Variants in PAG1 observed in about 807,000 individuals in gnomAD.
The protein encoded by PAG1 is phosphoprotein membrane anchor with glycosphingolipid microdomains 1.
In PAG1, 23 loss-of-function variants were observed where a neutral mutation model predicts 31.7. That is an observed-to-expected ratio of 0.73 (90% CI 0.52 to 1.03). The LOEUF (loss-of-function observed/expected upper bound fraction) is 1.03. Among genes scored for constraint, PAG1 ranks in the 50% least tolerant of loss-of-function variants. The pLI is 0.00. For missense variants in PAG1, 473 were observed against 540.7 expected (o/e 0.87, Z 1.24); for synonymous variants, 214 against 210.3 (o/e 1.02, Z -0.15).
intron 2 of PAG1, among the ~76,000 whole-genome samples, chr8:81,035,913 A>T (rs1320233261): frequency 6.6e-6 from 1 of 151,886 alleles, no homozygotes; most frequent in Admixed American, 6.6e-5. Flanking sequence ...ATATACATGC[A>T]TATATACACA....
At chr8:81,091,672 G>C (rs1027989128) in intron 1 of PAG1, among the ~76,000 whole-genome samples, 1 of 152,086 alleles carries the variant, frequency 6.6e-6, no homozygotes, top group Non-Finnish European at 1.5e-5. Context: ...AAAAATGTTG[G>C]TATGTGGTAC....
chr8:81,002,487 T>C (rs1003765262), intron 3 of PAG1, among the ~76,000 whole-genome samples: 16 of 152,184 alleles, frequency 1.1e-4, no homozygotes, highest in Admixed American at 7.9e-4. Context: ...AGAAGTAGAA[T>C]TTAAGAGCAG....
chr8:80,981,461 C>T (rs75558311), intron 7 of PAG1, among the ~76,000 whole-genome samples: 1 of 152,088 alleles, frequency 6.6e-6, no homozygotes, highest in Non-Finnish European at 1.5e-5. Context: ...CTCTGCTCAA[C>T]TCACAGTCTA....
chr8:80,998,058 A>G (rs1369966291), intron 3 of PAG1, among the ~76,000 whole-genome samples: 1 of 151,538 alleles, frequency 6.6e-6, no homozygotes, highest in Non-Finnish European at 1.5e-5. Context: ...ATATCCACTA[A>G]TTTGTTTTAA....
In PAG1 at chr8:80,987,531, G is replaced by C. The variant is rs556888540; in HGVS notation, c.178-65C>G. The C allele has an allele frequency of 1.4e-5, 16 of 1,122,006 alleles. No individual in the cohort carries two copies. The African/African-American group carries it at 1.5e-4, about 11-fold the overall frequency. The allele number at this position is 1,122,006 out of a possible 1,614,324, so 69.5% of individuals were successfully genotyped here. A position where few individuals can be genotyped will look rare whatever the true frequency, so the allele number is the denominator to read the frequency against. On this transcript the variant is annotated intron_variant, in intron 5 of 8. Transcript: ENST00000220597. ...TGCTAAGAATCTGGACTGCAGAGCA[G>C]AGGAGAAGATCCATGGCTTTTTCAA... is the stretch of plus-strand genomic sequence containing the variant.
chr8:80,994,209 T>C (rs1331338658), intron 3 of PAG1, among the ~76,000 whole-genome samples: 2 of 151,888 alleles, frequency 1.3e-5, no homozygotes, highest in Non-Finnish European at 2.9e-5. Flanking sequence ...TGAAATAGAA[T>C]GTCTTTATAT....
intron 3 of PAG1, among the ~76,000 whole-genome samples, chr8:81,029,079 A>AAAT (rs1808332937): frequency 6.6e-6 from 1 of 152,216 alleles, no homozygotes; most frequent in Admixed American, 6.5e-5. Flanking sequence ...GCGGGTACAC[A>AAAT]AATATCTTTA....
chr8:81,065,645 A>G (rs1490990381), intron 2 of PAG1, among the ~76,000 whole-genome samples: 1 of 151,918 alleles, frequency 6.6e-6, no homozygotes, highest in East Asian at 1.9e-4. Flanking sequence ...CATTCTACCC[A>G]TTAGAAGCAT....
At chr8:81,036,040 A>ACTG (rs1303954886) in intron 2 of PAG1, among the ~76,000 whole-genome samples, 1 of 152,108 alleles carries the variant, frequency 6.6e-6, no homozygotes, top group East Asian at 1.9e-4. Flanking sequence ...TTGCAATTTA[A>ACTG]CTGGGGGAGC....
At chr8:81,007,465 TACAA>T (rs1563627012) in intron 3 of PAG1, among the ~76,000 whole-genome samples, 1 of 26,896 alleles carries the variant, frequency 3.7e-5, no homozygotes, top group Non-Finnish European at 7.7e-5. Flanking sequence ...AATACAAAAA[TACAA>T]AAAAAAAAAA....
At chr8:80,995,021 G>A (rs1043832073) in intron 3 of PAG1, among the ~76,000 whole-genome samples, 26 of 152,294 alleles carry the variant, frequency 1.7e-4, no homozygotes, top group African/African-American at 5.3e-4. Context: ...GGGTGGCTTC[G>A]CAGCAAACCA....
chr8:81,010,238 T>C (rs572965045), intron 3 of PAG1, among the ~76,000 whole-genome samples: 2 of 152,292 alleles, frequency 1.3e-5, no homozygotes, highest in Non-Finnish European at 2.9e-5. Flanking sequence ...TTCTCACATG[T>C]ATATCCTTAA....
chr8:81,065,832 T>C (rs552286104), intron 2 of PAG1, among the ~76,000 whole-genome samples: 21 of 150,772 alleles, frequency 1.4e-4, no homozygotes, highest in African/African-American at 5.1e-4. Flanking sequence ...TGTGTATATA[T>C]ATGTTTATAT....
chr8:81,111,412 A>T (rs1293874813), intron 1 of PAG1, among the ~76,000 whole-genome samples, 179 bp downstream of exon 1: 2 of 152,230 alleles, frequency 1.3e-5, no homozygotes, highest in East Asian at 3.9e-4. Context: ...TGCTGAGGTC[A>T]GCCAGCCCTG....
chr8:81,015,041 T>C (rs1287055626), intron 3 of PAG1, among the ~76,000 whole-genome samples: 3 of 152,212 alleles, frequency 2.0e-5, no homozygotes, highest in Non-Finnish European at 4.4e-5. Flanking sequence ...ATTTCTGCAC[T>C]ACACATTCTT....
At chr8:81,056,923 A>G (rs941721789) in intron 2 of PAG1, among the ~76,000 whole-genome samples, 10 of 152,226 alleles carry the variant, frequency 6.6e-5, no homozygotes, top group Non-Finnish European at 2.9e-5. Context: ...ATGAACAGAC[A>G]CTTCTCAAAA....
At chr8:80,993,816 C>T (rs888858155) in intron 3 of PAG1, among the ~76,000 whole-genome samples, 2 of 151,906 alleles carry the variant, frequency 1.3e-5, no homozygotes, top group African/African-American at 2.4e-5. Flanking sequence ...ATATTGCCTA[C>T]ACTGGTCTTG....
intron 8 of PAG1, among the ~76,000 whole-genome samples, chr8:80,979,471 A>G (rs1807253506): frequency 6.6e-6 from 1 of 152,194 alleles, no homozygotes; most frequent in South Asian, 2.1e-4. Flanking sequence ...AAAAGGAAGT[A>G]TCGAGATGAC....
intron 1 of PAG1, among the ~76,000 whole-genome samples, chr8:81,107,398 T>C (rs1348443243): frequency 6.6e-6 from 1 of 152,142 alleles, no homozygotes; most frequent in Non-Finnish European, 1.5e-5. Context: ...TATAAATCCA[T>C]GCAATAGAGT....
Sources: allele counts gnomAD v4.1 joint callset (sites outside exome capture counted in the v4.1 genomes callset), GRCh38; gene constraint gnomAD v4.1.1; transcripts MANE v1.5; gene names NCBI Gene and HGNC (gene_info 2026-07-23, HGNC 2026-07-21).